CHLSN: variants seen among roughly 807,000 people sequenced by gnomAD.
CHLSN encodes cholesin.
At chr7:1,019,212 CGGG>C in the CHLSN span, among the ~76,000 whole-genome samples, 1 of 18,786 alleles carries the variant, frequency 5.3e-5, no homozygotes, top group African/African-American at 1.6e-4. Context: ...AAAAAAAAAA[CGGG>C]GGGGGGGGAG....
chr7:1,057,752 G>A, the CHLSN span: 1 of 775,818 alleles, frequency 1.3e-6, no homozygotes, highest in East Asian at 2.4e-5. Context: ...TCAGCGCCCT[G>A]GCCCCTGTGC....
chr7:1,023,041 A>C, the CHLSN span: 1 of 453,700 alleles, frequency 2.2e-6, no homozygotes, highest in Non-Finnish European at 4.4e-6. The surrounding 1 kb of genome is among the most constrained non-coding windows in gnomAD (Gnocchi z 5.0). Flanking sequence ...TGCGGAGCAC[A>C]GGACGCTTCC....
the CHLSN span, among the ~76,000 whole-genome samples, chr7:1,030,732 G>GGGGGACTCTCTCTCTCTCCCGGGGCACGC: frequency 4.5e-5 from 4 of 88,198 alleles, no homozygotes; most frequent in Non-Finnish European, 8.5e-5. Context: ...CCGGGGCAGG[G>GGGGGACTCTCTCTCTCTCCCGGGGCACGC]GGGGACTCTC....
chr7:1,131,907 G>A, the CHLSN span, among the ~76,000 whole-genome samples: 1 of 152,204 alleles, frequency 6.6e-6, no homozygotes, highest in African/African-American at 2.4e-5. Flanking sequence ...TATGGAAAAT[G>A]ACGTTTACTT....
the CHLSN span, among the ~76,000 whole-genome samples, chr7:1,011,875 C>T: frequency 1.3e-4 from 20 of 152,328 alleles, no homozygotes; most frequent in African/African-American, 3.8e-4. Context: ...TGAAGAGTCC[C>T]GGTGGGAAGG....
chr7:1,091,517 G>A, the CHLSN span: 1 of 547,550 alleles, frequency 1.8e-6, no homozygotes, highest in Non-Finnish European at 3.2e-6. Context: ...GATGCACCAT[G>A]CCGGTGTGAG....
At chr7:1,107,557 C>T in the CHLSN span, among the ~76,000 whole-genome samples, 3 of 152,220 alleles carry the variant, frequency 2.0e-5, no homozygotes, top group African/African-American at 7.2e-5. Context: ...CCACAAGCTG[C>T]AAAGCACATG....
chr7:1,108,378 G>C, the CHLSN span, among the ~76,000 whole-genome samples: 1 of 151,454 alleles, frequency 6.6e-6, no homozygotes, highest in African/African-American at 2.4e-5. Flanking sequence ...GGAAGCAGAG[G>C]GGGGCTGTGT....
the CHLSN span, among the ~76,000 whole-genome samples, chr7:990,953 G>A: frequency 6.6e-6 from 1 of 152,018 alleles, no homozygotes; most frequent in African/African-American, 2.4e-5. Context: ...CTCAGGCCCA[G>A]CCCTCCCAAC....
At chr7:1,027,034 G>A in the CHLSN span, 2 of 152,240 alleles carry the variant, frequency 1.3e-5, no homozygotes, top group Non-Finnish European at 2.9e-5. Context: ...GAGCCTGGAA[G>A]ATGTTTGAGC....
At chr7:1,031,031 G>A in the CHLSN span, among the ~76,000 whole-genome samples, 1 of 152,214 alleles carries the variant, frequency 6.6e-6, no homozygotes, top group Non-Finnish European at 1.5e-5. Context: ...CCACTGCCTT[G>A]GCTTGAAGCA....
the CHLSN span, among the ~76,000 whole-genome samples, chr7:1,068,953 G>C: frequency 6.6e-6 from 1 of 152,324 alleles, no homozygotes; most frequent in South Asian, 2.1e-4. Context: ...GGAGGGGCCT[G>C]CGTACTGGGG....
At chr7:1,079,714 CA>C in the CHLSN span, among the ~76,000 whole-genome samples, 3 of 152,144 alleles carry the variant, frequency 2.0e-5, no homozygotes, top group East Asian at 3.9e-4. Context: ...GGCTCAGGGG[CA>C]GGGGTGACTC....
At chr7:1,006,057 C>CT in the CHLSN span, among the ~76,000 whole-genome samples, 1 of 152,218 alleles carries the variant, frequency 6.6e-6, no homozygotes, top group African/African-American at 2.4e-5. Flanking sequence ...TAAATAAACT[C>CT]TTTTTTCTCT....
At chr7:1,007,857 C>T in the CHLSN span, among the ~76,000 whole-genome samples, 3 of 152,118 alleles carry the variant, frequency 2.0e-5, no homozygotes, top group South Asian at 4.1e-4. Flanking sequence ...AGGACCTTCC[C>T]GTGGGGTGCT....
At chr7:1,096,197 T>A in the CHLSN span, among the ~76,000 whole-genome samples, 1 of 152,090 alleles carries the variant, frequency 6.6e-6, no homozygotes, top group Admixed American at 6.5e-5. The surrounding 1 kb of genome is among the most constrained non-coding windows in gnomAD (Gnocchi z 4.6). Flanking sequence ...CTCCGCCAGG[T>A]CTCTTCTGGG....
At chr7:1,001,207 G>C in the CHLSN span, among the ~76,000 whole-genome samples, 1 of 152,230 alleles carries the variant, frequency 6.6e-6, no homozygotes, top group East Asian at 1.9e-4. Context: ...CAGGGCAGCC[G>C]AGCCCAGAAG....
the CHLSN span, chr7:1,093,072 C>T: frequency 1.4e-6 from 1 of 703,200 alleles, no homozygotes; most frequent in Non-Finnish European, 2.6e-6. Flanking sequence ...AGAATTGCTA[C>T]AATCCCAAAG....
At chr7:1,016,802 G>A in the CHLSN span, among the ~76,000 whole-genome samples, 4 of 64,056 alleles carry the variant, frequency 6.2e-5, no homozygotes, top group South Asian at 4.2e-4. Flanking sequence ...GCAGCACACA[G>A]CAGCACACAC....
Sources: allele counts gnomAD v4.1 joint callset (sites outside exome capture counted in the v4.1 genomes callset), GRCh38; gene constraint gnomAD v4.1.1; non-coding constraint Gnocchi (gnomAD v3.1); transcripts MANE v1.5; gene names NCBI Gene and HGNC (gene_info 2026-07-23, HGNC 2026-07-21).